DCDC2: variants seen among roughly 807,000 people sequenced by gnomAD.
DCDC2 encodes doublecortin domain-containing protein 2.
In DCDC2, 40 loss-of-function variants were observed where a neutral mutation model predicts 50.2. That is an observed-to-expected ratio of 0.80 (90% CI 0.62 to 1.04). The LOEUF is 1.04. DCDC2 is among the 50% of genes least tolerant of loss of function. The pLI is 0.00. For missense variants in DCDC2, 570 were observed against 581.9 expected, an observed-to-expected ratio of 0.98 and a Z score of 0.21; for synonymous variants, 234 against 210.6, an observed-to-expected ratio of 1.11 and a Z score of -0.96.
intron 8 of DCDC2, among the ~76,000 whole-genome samples, chr6:24,192,402 T>C (rs1414078630): frequency 6.6e-6 from 1 of 152,062 alleles, no homozygotes; most frequent in East Asian, 1.9e-4. Context: ...ATGCACACAG[T>C]GTGTCCTTAA....
intron 2 of DCDC2, among the ~76,000 whole-genome samples, chr6:24,303,082 G>C (rs1182671910): frequency 6.6e-6 from 1 of 151,716 alleles, no homozygotes; most frequent in Non-Finnish European, 1.5e-5. Flanking sequence ...GTCCCCGGCT[G>C]TCTCTGCTTG....
At chr6:24,233,783 T>C (rs1406098606) in intron 7 of DCDC2, among the ~76,000 whole-genome samples, 1 of 152,246 alleles carries the variant, frequency 6.6e-6, no homozygotes, top group African/African-American at 2.4e-5. Flanking sequence ...ATATAATATT[T>C]GCATTTCAAC....
At chr6:24,362,861 G>T (rs149982331), upstream of DCDC2, among the ~76,000 whole-genome samples, 17 of 152,290 alleles carry the variant, frequency 1.1e-4, no homozygotes, top group African/African-American at 3.6e-4. Flanking sequence ...AACAAAAACA[G>T]TCAGATATTT....
chr6:24,241,763 G>C (rs906354263), intron 7 of DCDC2, among the ~76,000 whole-genome samples: 1 of 152,196 alleles, frequency 6.6e-6, no homozygotes, highest in Non-Finnish European at 1.5e-5. Context: ...ATGGTTTACT[G>C]TATGTCTTTC....
intron 8 of DCDC2, among the ~76,000 whole-genome samples, chr6:24,199,121 G>A (rs1454448357): frequency 4.6e-5 from 7 of 152,238 alleles, no homozygotes. Context: ...TGGCTCTGAA[G>A]AGAGCAGTGG....
chr6:24,174,969 C>G, intron 9 of DCDC2, 135 bp from the exon 10 acceptor site: 1 of 488,160 alleles, frequency 2.0e-6, no homozygotes. Flanking sequence ...CTGGGGTTCC[C>G]TTTGTTTTTT....
At chr6:24,371,785 AC>A in the DCDC2 span, among the ~76,000 whole-genome samples, 4 of 152,224 alleles carry the variant, frequency 2.6e-5, no homozygotes, top group Non-Finnish European at 4.4e-5. Context: ...CAAGAAAAAA[AC>A]AAACAACCAT....
intron 8 of DCDC2, among the ~76,000 whole-genome samples, chr6:24,198,050 C>T (rs1761485054): frequency 1.3e-5 from 2 of 152,136 alleles, no homozygotes. Flanking sequence ...CCTAGAAGTA[C>T]AGTGTTCTAC....
chr6:24,337,123 G>GA (rs569361053), intron 2 of DCDC2, among the ~76,000 whole-genome samples: 238 of 151,946 alleles, frequency 1.6e-3, no homozygotes, highest in Non-Finnish European at 2.5e-3. Context: ...GAAACATCTG[G>GA]AAAAAACAGC....
upstream of DCDC2, among the ~76,000 whole-genome samples, chr6:24,361,704 G>A (rs188962252): frequency 4.8e-3 from 733 of 152,252 alleles, 1 homozygote; most frequent in Admixed American, 7.5e-3. Flanking sequence ...TGAAAATGTG[G>A]CCTCTTATTC....
intron 7 of DCDC2, 35 bp downstream of exon 7, chr6:24,278,014 G>C (rs1386890822): frequency 2.0e-6 from 3 of 1,521,964 alleles, no homozygotes; most frequent in Non-Finnish European, 1.8e-6. Flanking sequence ...AATTAAAATT[G>C]TATCACAGCC....
intron 7 of DCDC2, among the ~76,000 whole-genome samples, chr6:24,242,053 T>C (rs1762572909): frequency 6.6e-6 from 1 of 152,060 alleles, no homozygotes; most frequent in Non-Finnish European, 1.5e-5. Flanking sequence ...TGCATGCCTG[T>C]AGTCCCAGCT....
the DCDC2 span, among the ~76,000 whole-genome samples, chr6:24,383,069 G>A: frequency 1.3e-5 from 2 of 152,172 alleles, no homozygotes; most frequent in Non-Finnish European, 2.9e-5. Context: ...GCTCATGCTT[G>A]TAATCCCAGC....
At chr6:24,269,193 C>G (rs555592394) in intron 7 of DCDC2, among the ~76,000 whole-genome samples, 40 of 152,324 alleles carry the variant, frequency 2.6e-4, no homozygotes, top group African/African-American at 9.6e-4. Context: ...TTCCCTGTCT[C>G]ATAGTGCCAA....
intron 7 of DCDC2, among the ~76,000 whole-genome samples, chr6:24,229,909 C>T (rs1452224625): frequency 1.3e-5 from 2 of 152,090 alleles, no homozygotes; most frequent in Admixed American, 6.6e-5. Flanking sequence ...CACCACTTCC[C>T]CTTTGAGAGA....
intron 8 of DCDC2, among the ~76,000 whole-genome samples, chr6:24,185,464 T>C (rs1761169695): frequency 6.6e-6 from 1 of 152,150 alleles, no homozygotes; most frequent in Non-Finnish European, 1.5e-5. Context: ...CTTTAAAATA[T>C]CCTGAGTCTG....
Position 24,172,371 on chromosome 6 carries a change from A to T in DCDC2, c.*2359T>A, listed in dbSNP as rs1186672269. ...GTCCCCATTTTTAAGTTTTTTTGGT[A>T]CAGTTATTGTGGCTTATTACCCCCT... On this transcript the variant is annotated 3_prime_UTR_variant, in exon 10 of 10. Transcript: ENST00000378454. 1 of 152,186 alleles carries T rather than the reference A, an allele frequency of 6.6e-6. No individual in the cohort carries two copies. The highest frequency in any genetic ancestry group is 6.5e-5 in the Admixed American group (1 of 15,280). The allele number at this position is 152,186 out of a possible 1,614,324, so 9.4% of individuals were successfully genotyped here. A position where few individuals can be genotyped will look rare whatever the true frequency, so the allele number is the denominator to read the frequency against.
At chr6:24,278,922 C>T (rs1763415493) in intron 6 of DCDC2, among the ~76,000 whole-genome samples, 1 of 152,166 alleles carries the variant, frequency 6.6e-6, no homozygotes, top group South Asian at 2.1e-4. Context: ...AGGCTCACGA[C>T]CACATGTCCC....
intron 7 of DCDC2, among the ~76,000 whole-genome samples, chr6:24,274,393 A>G (rs2113816286): frequency 6.6e-6 from 1 of 152,326 alleles, no homozygotes; most frequent in East Asian, 1.9e-4. Flanking sequence ...CTGCAACTCA[A>G]GTGGAAAGTG....
Sources: gnomAD v4.1 joint callset for allele counts (sites outside exome capture counted in the v4.1 genomes callset) on GRCh38, gnomAD v4.1.1 for gene constraint, MANE v1.5 for transcripts, NCBI Gene and HGNC (gene_info 2026-07-23, HGNC 2026-07-21) for gene names.